Variants in KCNAB2 observed in about 807,000 individuals in gnomAD.
KCNAB2 encodes the protein potassium voltage-gated channel subfamily A regulatory beta subunit 2, also known as voltage-gated potassium channel subunit beta-2.
KCNAB2 carries 29 observed loss-of-function variants against 63.6 expected under a neutral mutation model. The observed-to-expected ratio is 0.46, with a 90% CI of 0.34 to 0.62. The LOEUF (loss-of-function observed/expected upper bound fraction) is 0.62, where lower values mean the gene tolerates loss of function less well. Ranked by LOEUF, KCNAB2 falls within the 20% of genes least tolerant of loss-of-function variation. KCNAB2 has a pLI of 0.01. For synonymous variants in KCNAB2, 222 were observed against 224.2 expected, an observed-to-expected ratio of 0.99 and a Z score of 0.09; for missense variants, 359 against 563.9, an observed-to-expected ratio of 0.64 and a Z score of 3.68.
At chr1:6,037,592 G>A (rs1272820517) in intron 1 of KCNAB2, among the ~76,000 whole-genome samples, 1 of 152,254 alleles carries the variant, frequency 6.6e-6, no homozygotes, top group African/African-American at 2.4e-5. Flanking sequence ...TTCCATGCAA[G>A]AAGAAATGCA....
chr1:6,012,655 A>C (rs1308777292), intron 1 of KCNAB2, among the ~76,000 whole-genome samples: 1 of 120,740 alleles, frequency 8.3e-6, no homozygotes, highest in Non-Finnish European at 1.7e-5. Flanking sequence ...GTTGTGGTGG[A>C]GGTGATGAAG....
rs776194538 is a variant in KCNAB2 at position 6,087,510 on chromosome 1, A to C, written c.469A>C (p.Lys157Gln). 1 of 1,613,982 alleles carries C rather than the reference A, an allele frequency of 6.2e-7. No individual in the cohort carries two copies. Among genetic ancestry groups the C allele is most frequent in the South Asian group, 1.1e-5 (1 of 91,062 alleles). The change falls in exon 7 of 16, where the codon AAG (lysine) becomes CAG (glutamine). Residue 157 changes from lysine (K) to glutamine (Q), a missense_variant and splice_region_variant. By Grantham distance (53) the Lys-to-Gln change is moderately conservative. Coordinates refer to ENST00000378083, the MANE Select transcript of KCNAB2 (RefSeq NM_001199862.2). The surrounding 1 kb of genome is among the most constrained non-coding windows in gnomAD (Gnocchi z 6.4). Reference sequence around the variant, plus strand: ...CACCACCAAGATCTTCTGGGGCGGAAAGTAGGTGCAACAGCTGGCGATGCT... The same window carrying C: ...CACCACCAAGATCTTCTGGGGCGGACAGTAGGTGCAACAGCTGGCGATGCT... Reference protein sequence around the residue: ...VITTKIFWGGKAETERGLSRK... With the variant: ...VITTKIFWGGQAETERGLSRK...
rs545569411 is a variant in KCNAB2, at chr1:6,013,521, C to T, written c.-53+20733C>T. ...GCACCAGCCTCCCCACGTGGATGCC[C>T]GACCAGCATCTGAGGTCAGACACAG... On this transcript the variant is annotated intron_variant, in intron 1 of 16. Coordinates refer to the KCNAB2 transcript ENST00000341524. 7.2e-5 allele frequency among the ~76,000 whole-genome samples: 11 copies of T among 152,214 alleles called. No individual in the cohort carries two copies. The East Asian group carries it at 7.7e-4, about 11-fold the overall frequency.
chr1:6,095,280 G>C (rs934820202), intron 11 of KCNAB2, 43 bp from the exon 12 acceptor site: 1 of 1,571,954 alleles, frequency 6.4e-7, no homozygotes, highest in Non-Finnish European at 8.6e-7. Context: ...CCTCCCGCCT[G>C]CTCACAGGCA....
chr1:6,079,833 C>A (rs1485257478), intron 4 of KCNAB2, among the ~76,000 whole-genome samples: 1 of 152,160 alleles, frequency 6.6e-6, no homozygotes, highest in African/African-American at 2.4e-5. Flanking sequence ...TGCCATTGAA[C>A]TATGCTTGAA....
chr1:6,066,182 G>A (rs984551365), intron 2 of KCNAB2, among the ~76,000 whole-genome samples: 7 of 152,224 alleles, frequency 4.6e-5, no homozygotes, highest in East Asian at 1.9e-4. Context: ...CTTCCGCGCC[G>A]TGGCCATGGT....
chr1:6,031,494 G>GC, upstream of KCNAB2, among the ~76,000 whole-genome samples: 1 of 152,338 alleles, frequency 6.6e-6, no homozygotes, highest in South Asian at 2.1e-4. The surrounding 1 kb of genome is among the most constrained non-coding windows in gnomAD (Gnocchi z 4.1). Flanking sequence ...GGTTGGCTGT[G>GC]CCCCCGGGAG....
At chr1:6,061,799 G>T (rs567951483) in intron 2 of KCNAB2, among the ~76,000 whole-genome samples, 3 of 152,152 alleles carry the variant, frequency 2.0e-5, no homozygotes, top group Non-Finnish European at 4.4e-5. Context: ...TTCCAAAAAG[G>T]ATTGTAGGTG....
upstream of KCNAB2, chr1:6,041,711 C>G: frequency 1.2e-6 from 1 of 853,058 alleles, no homozygotes; most frequent in Non-Finnish European, 1.9e-6. Flanking sequence ...GGTGGGGGCC[C>G]GGGGGCATGG....
At position 6,096,855 on chromosome 1, in the gene KCNAB2, G is replaced by A. The variant is rs2235792; in HGVS notation, c.1069+99G>A. On this transcript the variant is annotated intron_variant, in intron 14 of 15. Transcript: ENST00000378083. The surrounding 1 kb of genome is among the most constrained non-coding windows in gnomAD (Gnocchi z 5.9). ...GGGTTGCCATGGGGCCAGTGTCTCC[G>A]GGGAGAGAGGGAAGGGATCCCTGGA... 0.11 allele frequency: 155,644 copies of A among 1,382,320 alleles called. 10,605 individuals carry two copies. The highest frequency in any genetic ancestry group is 0.38 in the East Asian group (14,711 of 39,138). The allele number at this position is 1,382,320 out of a possible 1,614,324, so 85.6% of individuals were successfully genotyped here. A position where few individuals can be genotyped will look rare whatever the true frequency, so the allele number is the denominator to read the frequency against.
chr1:6,029,053 G>A (rs1045507147), intron 1 of KCNAB2, among the ~76,000 whole-genome samples: 2 of 152,158 alleles, frequency 1.3e-5, no homozygotes, highest in Non-Finnish European at 2.9e-5. Flanking sequence ...AGGCCCAGGC[G>A]AGTGGATCAC....
At chr1:6,077,053 G>T (rs1003416632) in intron 4 of KCNAB2, among the ~76,000 whole-genome samples, 4 of 152,126 alleles carry the variant, frequency 2.6e-5, no homozygotes, top group African/African-American at 9.7e-5. Flanking sequence ...GGGCGTGGTG[G>T]CAGGCACCTG....
At chr1:6,077,068 C>G (rs1162922854) in intron 4 of KCNAB2, among the ~76,000 whole-genome samples, 1 of 152,082 alleles carries the variant, frequency 6.6e-6, no homozygotes, top group Non-Finnish European at 1.5e-5. Flanking sequence ...CACCTGTAAT[C>G]CCAGCTACTC....
intron 1 of KCNAB2, among the ~76,000 whole-genome samples, chr1:6,016,788 A>G (rs1315151494): frequency 1.3e-5 from 2 of 152,210 alleles, no homozygotes; most frequent in African/African-American, 4.8e-5. Flanking sequence ...ACCAGCGTCA[A>G]CTGGACCTGC....
chr1:6,086,676 G>A lies in KCNAB2; in HGVS notation c.426-791G>A, dbSNP rs866441385. 1.8e-4 allele frequency among the ~76,000 whole-genome samples: 27 copies of A among 152,296 alleles called. No individual in the cohort carries two copies. The highest frequency in any genetic ancestry group is 6.0e-4 in the African/African-American group (25 of 41,560). On this transcript the variant is annotated intron_variant, in intron 6 of 15. Transcript: ENST00000378083. This position sits in a 1 kb window ranked among gnomAD's most constrained non-coding sequence, Gnocchi z 4.2. ...TTATCCCCCATCCCACCAGGACAAA[G>A]CCACTGGTATGGGCATTTGTCTCGT... is the stretch of plus-strand genomic sequence containing the variant.
rs78116927 is a variant in KCNAB2, at chr1:6,049,926, T to C, written c.-26-1585T>C. On this transcript the variant is annotated intron_variant, in intron 1 of 15. Coordinates refer to ENST00000378083, the MANE Select transcript of KCNAB2 (RefSeq NM_001199862.2). ...GGTGGCCCCCCTCTCTGGGTGCACA[T>C]ATAGGCAGAGCAGTGAAAGGTCAGC... Among the ~76,000 whole-genome samples, 807 of 152,188 alleles carry C rather than the reference T, an allele frequency of 5.3e-3. 3 individuals carry two copies. The highest frequency in any genetic ancestry group is 0.019 in the African/African-American group (769 of 41,544).
intron 1 of KCNAB2, among the ~76,000 whole-genome samples, chr1:6,009,486 C>A (rs1469685268): frequency 6.6e-6 from 1 of 152,280 alleles, no homozygotes; most frequent in Non-Finnish European, 1.5e-5. Flanking sequence ...CCCATCAAAG[C>A]CTCTTGCCAG....
intron 4 of KCNAB2, among the ~76,000 whole-genome samples, chr1:6,077,143 A>G (rs1215995537): frequency 1.3e-5 from 2 of 151,944 alleles, no homozygotes; most frequent in Admixed American, 6.6e-5. Flanking sequence ...CCATGATCGC[A>G]CCACTGCACT....
intron 1 of KCNAB2, among the ~76,000 whole-genome samples, chr1:6,021,473 C>T (rs1414744009): frequency 6.6e-6 from 1 of 152,082 alleles, no homozygotes; most frequent in Non-Finnish European, 1.5e-5. Flanking sequence ...TTTAAGTGTA[C>T]AGTTTAGTGG....
Sources: allele counts gnomAD v4.1 joint callset (sites outside exome capture counted in the v4.1 genomes callset), GRCh38; gene constraint gnomAD v4.1.1; non-coding constraint Gnocchi (gnomAD v3.1); transcripts MANE v1.5; gene names NCBI Gene and HGNC (gene_info 2026-07-23, HGNC 2026-07-21).